The following UGT1A10 variants were observed in gnomAD, a reference collection of about 807,000 sequenced individuals.
The protein encoded by UGT1A10 is UDP-glucuronosyltransferase 1A10.
A neutral mutation model predicts 45.8 loss-of-function variants in UGT1A10; 49 were observed. The ratio of observed to expected loss-of-function variants is 1.07; its 90% CI spans 0.85 to 1.36. The LOEUF is 1.36. UGT1A10 is among the 40% of genes most tolerant of loss of function. The probability of loss-of-function intolerance (pLI) is 0.00; values close to 1 mark genes in which losing one functional copy is unlikely to be tolerated. For synonymous variants in UGT1A10, 284 were observed against 249.7 expected, an observed-to-expected ratio of 1.14 and a Z score of -1.29; for missense variants, 745 against 668.6, an observed-to-expected ratio of 1.11 and a Z score of -1.26.
intron 1 of UGT1A10, among the ~76,000 whole-genome samples, chr2:233,679,210 T>C (rs2074444802): frequency 6.6e-6 from 1 of 152,340 alleles, no homozygotes; most frequent in Non-Finnish European, 1.5e-5. Flanking sequence ...TTGTGGGTTC[T>C]GGGTGGCTAG....
At chr2:233,754,202 GAAGTCA>G (rs1362706108) in intron 1 of UGT1A10, 1 of 162,518 alleles carries the variant, frequency 6.2e-6, no homozygotes, top group East Asian at 1.7e-4. Context: ...GTAAAACATT[GAAGTCA>G]AATGATTTAG....
intron 1 of UGT1A10, among the ~76,000 whole-genome samples, chr2:233,758,422 T>G (rs1696873705): frequency 6.6e-6 from 1 of 152,238 alleles, no homozygotes; most frequent in South Asian, 2.1e-4. Flanking sequence ...AATCTGCAAA[T>G]GAACTCACAC....
intron 1 of UGT1A10, chr2:233,691,972 G>C (rs1349071943): frequency 6.6e-6 from 1 of 152,224 alleles, no homozygotes; most frequent in East Asian, 1.9e-4. Context: ...GATCCCTTTC[G>C]ATCACACCTA....
At chr2:233,660,945 T>C (rs2073950365) in intron 1 of UGT1A10, among the ~76,000 whole-genome samples, 1 of 152,134 alleles carries the variant, frequency 6.6e-6, no homozygotes, top group South Asian at 2.1e-4. Context: ...TGCCATTAAA[T>C]TCTCCAGCTT....
Position 233,769,822 on chromosome 2 carries a change from T to G in UGT1A10, c.1295+1383T>G, listed in dbSNP as rs978750106. ...ATGAGCCGTGATCATGCCACTGCAC[T>G]CCAGCAACCTGGGCAACAGAGTGAG... On this transcript the variant is annotated intron_variant, in intron 4 of 4. Coordinates refer to ENST00000344644, the MANE Select transcript of UGT1A10 (RefSeq NM_019075.4). This position sits in a 1 kb window ranked among gnomAD's most constrained non-coding sequence, Gnocchi z 4.4. 2.6e-6 allele frequency: 2 copies of G among 764,448 alleles called. No individual in the cohort carries two copies. Among genetic ancestry groups the G allele is most frequent in the Admixed American group, 3.7e-5 (1 of 26,868 alleles). The allele number at this position is 764,448 out of a possible 1,614,324, so 47.4% of individuals were successfully genotyped here.
intron 1 of UGT1A10, among the ~76,000 whole-genome samples, chr2:233,661,623 T>TTTTCTTTCTTTCTTCCTTTCTTTC (rs2073965718): frequency 8.1e-6 from 1 of 123,952 alleles, no homozygotes; most frequent in Non-Finnish European, 1.7e-5. Flanking sequence ...ACTTACTGAA[T>TTTTCTTTCTTTCTTCCTTTCTTTC]TTTCTTTCTT....
chr2:233,652,582 C>T (rs1418643456), intron 1 of UGT1A10, among the ~76,000 whole-genome samples: 1 of 152,156 alleles, frequency 6.6e-6, no homozygotes, highest in East Asian at 1.9e-4. Flanking sequence ...ACTCATAATG[C>T]ATAATGAAAT....
At chr2:233,725,001 G>A (rs1276972399) in intron 1 of UGT1A10, among the ~76,000 whole-genome samples, 4 of 134,004 alleles carry the variant, frequency 3.0e-5, no homozygotes, top group Non-Finnish European at 6.0e-5. Context: ...GCTGGAGACC[G>A]GCCCGGCCAA....
At chr2:233,754,435 GTTT>G (rs1438333697) in intron 1 of UGT1A10, 18 of 350,500 alleles carry the variant, frequency 5.1e-5, no homozygotes, top group Non-Finnish European at 5.6e-6. Context: ...GGCATAAAGT[GTTT>G]ATAAATTCTT....
intron 1 of UGT1A10, chr2:233,693,340 C>A: frequency 6.2e-7 from 1 of 1,614,192 alleles, no homozygotes; most frequent in Non-Finnish European, 8.5e-7. Context: ...AGACAGAGTA[C>A]AGGAATAACA....
chr2:233,753,025 CA>C (rs2125918346), intron 1 of UGT1A10, among the ~76,000 whole-genome samples: 1 of 152,200 alleles, frequency 6.6e-6, no homozygotes, highest in South Asian at 2.1e-4. Flanking sequence ...ATTTACAACA[CA>C]AAAAACTACC....
intron 1 of UGT1A10, among the ~76,000 whole-genome samples, chr2:233,709,577 A>T (rs186174292): frequency 4.7e-4 from 71 of 152,336 alleles, no homozygotes; most frequent in Admixed American, 1.4e-3. Flanking sequence ...AAAATTCAAA[A>T]AATATACCAG....
At chr2:233,696,389 A>G (rs1016787235) in intron 1 of UGT1A10, among the ~76,000 whole-genome samples, 3 of 152,108 alleles carry the variant, frequency 2.0e-5, no homozygotes, top group African/African-American at 7.2e-5. Context: ...TATTCTTTGT[A>G]CGTTTTGTAA....
chr2:233,747,400 C>A (rs1293984424), intron 1 of UGT1A10: 3 of 1,606,860 alleles, frequency 1.9e-6, no homozygotes, highest in Non-Finnish European at 2.6e-6. Flanking sequence ...GTCCTCACCC[C>A]AGAGGTGAAT....
chr2:233,744,136 G>A, intron 1 of UGT1A10: 1 of 352,326 alleles, frequency 2.8e-6, no homozygotes, highest in Non-Finnish European at 5.4e-6. Flanking sequence ...GTGAGGCCCT[G>A]TGATGCTCCA....
chr2:233,639,612 A>G (rs1324408153), intron 1 of UGT1A10, among the ~76,000 whole-genome samples: 2 of 152,192 alleles, frequency 1.3e-5, no homozygotes, highest in Admixed American at 6.5e-5. Context: ...GTGTTTGTGT[A>G]TGTGCAGGTG....
intron 1 of UGT1A10, among the ~76,000 whole-genome samples, chr2:233,645,012 T>C (rs1460950771): frequency 6.6e-6 from 1 of 152,136 alleles, no homozygotes. Context: ...TTAGAGATAT[T>C]GGGTTTGGGA....
Position 233,673,620 on chromosome 2 carries a change from A to G in UGT1A10, c.855+36243A>G, listed in dbSNP as rs144093003. On this transcript the variant is annotated intron_variant, in intron 1 of 4. Transcript: ENST00000344644. Reference sequence around the variant, plus strand: ...TCACTATTTATTCAGATCTTGTTTTATATACATAAATAAAATTTTTCACTA... The same window carrying G: ...TCACTATTTATTCAGATCTTGTTTTGTATACATAAATAAAATTTTTCACTA... 5.3e-5 allele frequency among the ~76,000 whole-genome samples: 8 copies of G among 152,224 alleles called. No individual in the cohort carries two copies. In the East Asian group the frequency reaches 1.3e-3, roughly 26 times the overall value.
Position 233,760,202 on chromosome 2 carries a change from A to C in UGT1A10, c.856-6832A>C, listed in dbSNP as rs1457649665. ...TTTTATAGTCACGTGACACAGTCAA[A>C]CATTAACTTGGTGTATCGATTGGTT... On this transcript the variant is annotated intron_variant, in intron 1 of 4. Transcript: ENST00000344644. 3.2e-6 allele frequency: 5 copies of C among 1,583,728 alleles called. No homozygotes were observed. The Admixed American group carries it at 8.5e-5, about 27-fold the overall frequency.
Sources: allele counts gnomAD v4.1 joint callset (sites outside exome capture counted in the v4.1 genomes callset), GRCh38; gene constraint gnomAD v4.1.1; non-coding constraint Gnocchi (gnomAD v3.1); transcripts MANE v1.5; gene names NCBI Gene and HGNC (gene_info 2026-07-23, HGNC 2026-07-21).